UBE2V2: variants seen among roughly 807,000 people sequenced by gnomAD.
The protein encoded by UBE2V2 is ubiquitin-conjugating enzyme E2 variant 2.
In UBE2V2, 9 loss-of-function variants were observed where a neutral mutation model predicts 17.2. The observed-to-expected ratio is 0.52, with a 90% CI of 0.32 to 0.91. The LOEUF is 0.91. Ranked by LOEUF, UBE2V2 falls within the 40% of genes least tolerant of loss-of-function variation. The pLI, the probability that UBE2V2 is intolerant of heterozygous loss-of-function variation, is 0.04. For missense variants in UBE2V2, 133 were observed against 182.6 expected (o/e 0.73, Z 1.56); for synonymous variants, 61 against 57.5 (o/e 1.06, Z -0.28).
intron 1 of UBE2V2, among the ~76,000 whole-genome samples, chr8:48,025,587 A>G (rs1236010026): frequency 1.5e-5 from 2 of 132,816 alleles, no homozygotes; most frequent in Non-Finnish European, 3.2e-5. Context: ...CTAAATCTGG[A>G]TTTTCTTTTT....
chr8:48,035,603 A>G (rs1227187861), intron 1 of UBE2V2, among the ~76,000 whole-genome samples: 1 of 140,898 alleles, frequency 7.1e-6, no homozygotes, highest in Admixed American at 7.2e-5. Flanking sequence ...ATCACAATAC[A>G]TATTTAAAAA....
chr8:48,048,222 T>G (rs942591381), intron 2 of UBE2V2, among the ~76,000 whole-genome samples: 1 of 152,226 alleles, frequency 6.6e-6, no homozygotes, highest in Non-Finnish European at 1.5e-5. Flanking sequence ...TTACGGTTCT[T>G]TACTCAGCAT....
chr8:48,028,154 C>A lies in UBE2V2; in HGVS notation c.17-14879C>A, dbSNP rs540385620. Reference sequence around the variant, plus strand: ...AGGCATGAGCCACTGTGCCTGGCCCCTTTACTCATTTTTATTTATTTATTT... The same window carrying A: ...AGGCATGAGCCACTGTGCCTGGCCCATTTACTCATTTTTATTTATTTATTT... On this transcript the variant is annotated intron_variant, in intron 1 of 3. Transcript: ENST00000523111. 1.5e-3 allele frequency among the ~76,000 whole-genome samples: 220 copies of A among 151,408 alleles called. 2 individuals carry two copies. The highest frequency in any genetic ancestry group is 5.1e-3 in the African/African-American group (210 of 41,332).
At chr8:48,032,830 G>GAGAGTGGGGTCAAAAAAA (rs1257610196) in intron 1 of UBE2V2, among the ~76,000 whole-genome samples, 4 of 152,146 alleles carry the variant, frequency 2.6e-5, no homozygotes, top group Admixed American at 2.6e-4. Flanking sequence ...TCAACAAATA[G>GAGAGTGGGGTCAAAAAAA]TGTTCTTGAG....
chr8:48,011,868 A>T (rs993792778), intron 1 of UBE2V2, among the ~76,000 whole-genome samples: 4 of 152,148 alleles, frequency 2.6e-5, no homozygotes, highest in Non-Finnish European at 4.4e-5. Flanking sequence ...TATCCAGTGT[A>T]GTCTGAACTC....
intron 3 of UBE2V2, among the ~76,000 whole-genome samples, chr8:48,052,292 G>A (rs1268927623): frequency 6.6e-6 from 1 of 152,182 alleles, no homozygotes; most frequent in Admixed American, 6.5e-5. Context: ...TTTGCTACTA[G>A]ACATATCTGG....
chr8:48,029,287 C>T (rs1420800929), intron 1 of UBE2V2, among the ~76,000 whole-genome samples: 2 of 152,132 alleles, frequency 1.3e-5, no homozygotes, highest in African/African-American at 4.8e-5. Context: ...CATGATTGTA[C>T]CACTGCCCAC....
chr8:48,021,304 C>CTTTT (rs1169402032), intron 1 of UBE2V2, among the ~76,000 whole-genome samples: 6 of 125,966 alleles, frequency 4.8e-5, no homozygotes, highest in Admixed American at 8.2e-5. Flanking sequence ...GTCTCGAACC[C>CTTTT]TTTTTTTTTT....
At chr8:48,051,175 C>T (rs2091534132) in intron 3 of UBE2V2, among the ~76,000 whole-genome samples, 1 of 152,078 alleles carries the variant, frequency 6.6e-6, no homozygotes, top group Admixed American at 6.6e-5. Context: ...AATGACATGC[C>T]CTGCTTGACC....
intron 1 of UBE2V2, among the ~76,000 whole-genome samples, chr8:48,014,865 A>G (rs915246752): frequency 2.0e-5 from 3 of 151,492 alleles, no homozygotes; most frequent in East Asian, 1.9e-4. Flanking sequence ...CCTGGCTAAC[A>G]TGGTGAAACC....
At chr8:48,003,302 A>G in the UBE2V2 span, among the ~76,000 whole-genome samples, 1 of 152,100 alleles carries the variant, frequency 6.6e-6, no homozygotes, top group African/African-American at 2.4e-5. Flanking sequence ...AAGTGGGATG[A>G]GCACTGGGAA....
intron 1 of UBE2V2, chr8:48,034,733 C>G (rs567556663): frequency 1.3e-5 from 2 of 152,248 alleles, no homozygotes; most frequent in South Asian, 2.1e-4. Context: ...GATTGCTTTT[C>G]CAACCCCCCT....
chr8:48,058,723 TTTCC>T (rs1401218061), intron 3 of UBE2V2, among the ~76,000 whole-genome samples: 1 of 152,082 alleles, frequency 6.6e-6, no homozygotes, highest in African/African-American at 2.4e-5. Flanking sequence ...TGGAGGGTAG[TTTCC>T]TTCTATTCCT....
At chr8:48,004,362 A>T (rs1278390366), upstream of UBE2V2, among the ~76,000 whole-genome samples, 5 of 152,148 alleles carry the variant, frequency 3.3e-5, no homozygotes. Flanking sequence ...ATAATATTAG[A>T]GTTTTTCTCT....
At chr8:48,044,840 T>C (rs1055825336) in intron 2 of UBE2V2, among the ~76,000 whole-genome samples, 7 of 152,358 alleles carry the variant, frequency 4.6e-5, no homozygotes, top group Non-Finnish European at 8.8e-5. Flanking sequence ...TATTTAGATT[T>C]CGTTTTTCTC....
At chr8:48,035,631 T>TTGTG (rs201716659) in intron 1 of UBE2V2, among the ~76,000 whole-genome samples, 255 of 109,530 alleles carry the variant, frequency 2.3e-3, no homozygotes, top group East Asian at 0.014. Context: ...TTTTTTTTTT[T>TTGTG]TGTGTGTGTG....
intron 3 of UBE2V2, among the ~76,000 whole-genome samples, chr8:48,051,881 C>T (rs1430683383): frequency 1.3e-5 from 2 of 151,918 alleles, no homozygotes; most frequent in African/African-American, 2.4e-5. Flanking sequence ...GCCATTAACA[C>T]CCCCCCACCC....
chr8:48,047,986 G>C (rs1182923450), intron 2 of UBE2V2, among the ~76,000 whole-genome samples: 1 of 140,980 alleles, frequency 7.1e-6, no homozygotes, highest in Non-Finnish European at 1.5e-5. Context: ...TTTCAGAAAA[G>C]AGCTTTGGGT....
At chr8:47,999,921 A>G in the UBE2V2 span, among the ~76,000 whole-genome samples, 2 of 152,218 alleles carry the variant, frequency 1.3e-5, no homozygotes, top group Non-Finnish European at 2.9e-5. Context: ...TTGAGCAAGC[A>G]GGGGGCTTGC....
Sources: gnomAD v4.1 joint callset for allele counts (sites outside exome capture counted in the v4.1 genomes callset) on GRCh38, gnomAD v4.1.1 for gene constraint, MANE v1.5 for transcripts, NCBI Gene and HGNC (gene_info 2026-07-23, HGNC 2026-07-21) for gene names.